Variants in MAN1C1 observed in about 807,000 individuals in gnomAD.
MAN1C1 encodes mannosidase alpha class 1C member 1.
MAN1C1 carries 49 observed loss-of-function variants against 71.5 expected under a neutral mutation model. The ratio of observed to expected loss-of-function variants is 0.69; its 90% CI spans 0.54 to 0.87. MAN1C1 has a LOEUF of 0.87. Ranked by LOEUF, MAN1C1 falls within the 40% of genes least tolerant of loss-of-function variation. The pLI, the probability that MAN1C1 is intolerant of heterozygous loss-of-function variation, is 0.00. For synonymous variants in MAN1C1, 352 were observed against 343.7 expected (o/e 1.02, Z -0.27); for missense variants, 743 against 835.0 (o/e 0.89, Z 1.36).
chr1:25,768,138 C>T (rs1238100797), intron 7 of MAN1C1, among the ~76,000 whole-genome samples: 2 of 108,374 alleles, frequency 1.8e-5, no homozygotes, highest in Non-Finnish European at 1.8e-5. Flanking sequence ...CACACACACA[C>T]TACATACACT....
At chr1:25,743,608 G>A (rs1268732464) in intron 2 of MAN1C1, among the ~76,000 whole-genome samples, 3 of 152,230 alleles carry the variant, frequency 2.0e-5, no homozygotes, top group Non-Finnish European at 4.4e-5. Flanking sequence ...TCAGGAGCCT[G>A]AGAGCAGGGG....
intron 2 of MAN1C1, among the ~76,000 whole-genome samples, chr1:25,722,913 G>A (rs187231020): frequency 1.2e-4 from 19 of 152,200 alleles, no homozygotes; most frequent in Admixed American, 2.0e-4. Context: ...GTTCTGCATA[G>A]AAAATGTTTT....
In MAN1C1 at chr1:25,663,559, G is replaced by C. The variant is rs79517090; in HGVS notation, c.541-22881G>C. ...CCCAAAATACTTCGTTGTACTGTAC[G>C]TACCTATTTTTGGGCCTCAGTTGGC... On this transcript the variant is annotated intron_variant, in intron 1 of 11. Transcript: ENST00000374332. 3.9e-3 allele frequency among the ~76,000 whole-genome samples: 588 copies of C among 152,278 alleles called. 3 individuals carry two copies. Among genetic ancestry groups the C allele is most frequent in the Non-Finnish European group, 5.9e-3 (403 of 68,034 alleles).
rs537709807 is a variant in MAN1C1, at chr1:25,725,332, C to A, written c.638-21336C>A. ...TAGAGATGCAAAGGTGCACTGGCCA[C>A]GTCCCTTGCCTCGAAAGAGTTCTCT... On this transcript the variant is annotated intron_variant, in intron 2 of 11. Coordinates refer to ENST00000374332, the MANE Select transcript of MAN1C1 (RefSeq NM_020379.4). This position sits in a 1 kb window ranked among gnomAD's most constrained non-coding sequence, Gnocchi z 4.8. Among the ~76,000 whole-genome samples, 1 of 152,204 alleles carries A rather than the reference C, an allele frequency of 6.6e-6. No homozygotes were observed. The highest frequency in any genetic ancestry group is 1.5e-5 in the Non-Finnish European group (1 of 68,030).
chr1:25,750,370 G>C (rs908572876), intron 4 of MAN1C1, among the ~76,000 whole-genome samples: 1 of 152,166 alleles, frequency 6.6e-6, no homozygotes, highest in Non-Finnish European at 1.5e-5. Flanking sequence ...TCATTGGTCA[G>C]TTCTGTTCCC....
chr1:25,648,545 T>G (rs1383042919), intron 1 of MAN1C1, among the ~76,000 whole-genome samples: 1 of 152,190 alleles, frequency 6.6e-6, no homozygotes, highest in Admixed American at 6.5e-5. Flanking sequence ...TTTACCCAGC[T>G]CTGTCAAGGC....
chr1:25,619,100 A>C (rs2045164459), intron 1 of MAN1C1, among the ~76,000 whole-genome samples: 1 of 152,222 alleles, frequency 6.6e-6, no homozygotes, highest in South Asian at 2.1e-4. Context: ...TTAGTTTAAG[A>C]AATCAAAAGC....
chr1:25,725,788 C>T lies in MAN1C1; in HGVS notation c.638-20880C>T, dbSNP rs767078296. On this transcript the variant is annotated intron_variant, in intron 2 of 11. Transcript: ENST00000374332. This position sits in a 1 kb window ranked among gnomAD's most constrained non-coding sequence, Gnocchi z 4.8. ...GGCGTGTGGCATTTGAGGGAGACTG[C>T]GCCATCTGAAAGCCGGGGGCTGGGT... Among the ~76,000 whole-genome samples, 14 of 152,326 alleles carry T rather than the reference C, an allele frequency of 9.2e-5. 1 individual carries two copies. The highest frequency in any genetic ancestry group is 1.7e-4 in the African/African-American group (7 of 41,574).
intron 2 of MAN1C1, among the ~76,000 whole-genome samples, chr1:25,744,181 T>C (rs2047097174): frequency 1.3e-5 from 2 of 152,158 alleles, no homozygotes; most frequent in Admixed American, 6.5e-5. Flanking sequence ...GCCTGTACCC[T>C]GTGTGCTGGG....
intron 2 of MAN1C1, among the ~76,000 whole-genome samples, chr1:25,737,409 A>T (rs2982298): frequency 0.032 from 4,825 of 152,176 alleles, 257 homozygotes; most frequent in African/African-American, 0.11. Context: ...CGCCCCCCCG[A>T]CAGGGATTTC....
chr1:25,714,006 A>G (rs894363340), intron 2 of MAN1C1, among the ~76,000 whole-genome samples: 2 of 152,288 alleles, frequency 1.3e-5, no homozygotes, highest in Admixed American at 1.3e-4. Context: ...TTAAAAGGGG[A>G]AAAAAATGTT....
intron 4 of MAN1C1, 77 bp downstream of exon 4, chr1:25,749,412 T>C: frequency 1.6e-6 from 2 of 1,264,212 alleles, no homozygotes; most frequent in Non-Finnish European, 2.2e-6. Flanking sequence ...TTCCCCCTCA[T>C]GCCATCCATG....
chr1:25,632,520 T>C (rs1040653202), intron 1 of MAN1C1, among the ~76,000 whole-genome samples: 2 of 152,192 alleles, frequency 1.3e-5, no homozygotes, highest in Non-Finnish European at 2.9e-5. Flanking sequence ...ATCTTTGTTA[T>C]TTCTTTTCCT....
chr1:25,746,914 C>G lies in MAN1C1; in HGVS notation c.753+131C>G. On this transcript the variant is annotated intron_variant, in intron 3 of 11. Transcript: ENST00000374332. The surrounding 1 kb of genome is among the most constrained non-coding windows in gnomAD (Gnocchi z 4.0). Reference sequence around the variant, plus strand: ...CCACGGCTGCACAGCCCAGCAGTCTCGGAACCGGAGCTGCCGTGCAGTCTG... The same window carrying G: ...CCACGGCTGCACAGCCCAGCAGTCTGGGAACCGGAGCTGCCGTGCAGTCTG... The G allele has an allele frequency of 1.5e-6, 1 of 660,198 alleles. No homozygotes were observed. 40.9% of individuals were successfully genotyped at this position (660,198 alleles called of 1,614,324 possible).
intron 1 of MAN1C1, chr1:25,659,241 A>G (rs920889887): frequency 2.6e-5 from 4 of 152,062 alleles, no homozygotes; most frequent in African/African-American, 9.7e-5. Flanking sequence ...CTCCAGGGTT[A>G]TCTCCCCACA....
chr1:25,654,934 C>T (rs2045743627), intron 1 of MAN1C1, among the ~76,000 whole-genome samples: 2 of 152,134 alleles, frequency 1.3e-5, no homozygotes, highest in South Asian at 2.1e-4. Flanking sequence ...CGTGAGCCAC[C>T]GTGTCGGGCC....
chr1:25,653,996 C>G (rs1279366565), intron 1 of MAN1C1, among the ~76,000 whole-genome samples: 1 of 152,184 alleles, frequency 6.6e-6, no homozygotes, highest in Non-Finnish European at 1.5e-5. Context: ...ACAGACCCCA[C>G]AGCAAATAAT....
intron 2 of MAN1C1, among the ~76,000 whole-genome samples, chr1:25,742,224 G>T (rs980006540): frequency 6.6e-6 from 1 of 152,204 alleles, no homozygotes; most frequent in African/African-American, 2.4e-5. Context: ...GCAGGAGCTT[G>T]CACCCCTTCC....
intron 1 of MAN1C1, among the ~76,000 whole-genome samples, chr1:25,621,733 C>A (rs996144714): frequency 1.5e-4 from 23 of 152,002 alleles, no homozygotes; most frequent in Non-Finnish European, 2.9e-4. Context: ...CAGGTTCAAG[C>A]GATTCTCATG....
Sources: allele counts gnomAD v4.1 joint callset (sites outside exome capture counted in the v4.1 genomes callset), GRCh38; gene constraint gnomAD v4.1.1; non-coding constraint Gnocchi (gnomAD v3.1); transcripts MANE v1.5; gene names NCBI Gene and HGNC (gene_info 2026-07-23, HGNC 2026-07-21).